The following KCNK13 variants were observed in gnomAD, a reference collection of about 807,000 sequenced individuals.
KCNK13 encodes potassium two pore domain channel subfamily K member 13, also known as potassium channel subfamily K member 13.
Under a neutral mutation model 23.4 loss-of-function variants are expected in KCNK13, and 12 were observed. The observed-to-expected ratio is 0.51, with a 90% CI of 0.33 to 0.83. KCNK13 has a LOEUF of 0.83. Among genes scored for constraint, KCNK13 ranks in the 40% least tolerant of loss-of-function variants. The pLI, the probability that KCNK13 is intolerant of heterozygous loss-of-function variation, is 0.02. For missense variants in KCNK13, 463 were observed against 556.3 expected, an observed-to-expected ratio of 0.83 and a Z score of 1.69; for synonymous variants, 231 against 229.5, an observed-to-expected ratio of 1.01 and a Z score of -0.06.
chr14:90,125,617 ACACACACACG>A lies in KCNK13; in HGVS notation c.335-58492_335-58483del, dbSNP rs1399779984. Among the ~76,000 whole-genome samples, 621 of 68,952 alleles carry A rather than the reference ACACACACACG, an allele frequency of 9.0e-3. 3 individuals carry two copies. Among genetic ancestry groups the A allele is most frequent in the African/African-American group, 0.031 (572 of 18,746 alleles). 45.2% of individuals were successfully genotyped at this position (68,952 alleles called of 152,430 possible). ...CACACACGCACACACACACACACAC[ACACACACACG>A]CGCACACACACACAATGATGGAGTA... On this transcript the variant is annotated intron_variant, in intron 1 of 1. Transcript: ENST00000282146.
At chr14:90,139,452 T>C (rs1034890059) in intron 1 of KCNK13, among the ~76,000 whole-genome samples, 5 of 122,752 alleles carry the variant, frequency 4.1e-5, no homozygotes, top group African/African-American at 1.6e-4. Flanking sequence ...GGGCTGGGGG[T>C]GAGGCAAGAC....
chr14:90,112,003 T>C (rs4125714), intron 1 of KCNK13, among the ~76,000 whole-genome samples: 33,041 of 152,078 alleles, frequency 0.22, 3,662 homozygotes, highest in Middle Eastern at 0.27. Flanking sequence ...ACCTTGGGGC[T>C]GGCCCCACCC....
chr14:90,126,460 GA>G (rs1428625038), intron 1 of KCNK13, among the ~76,000 whole-genome samples: 3 of 152,024 alleles, frequency 2.0e-5, no homozygotes, highest in Non-Finnish European at 2.9e-5. Context: ...GACGTGACGT[GA>G]CGTGACGTGA....
Position 90,117,463 on chromosome 14 carries a change from G to A in KCNK13, c.334+54924G>A, listed in dbSNP as rs954847866. 9.2e-5 allele frequency among the ~76,000 whole-genome samples: 14 copies of A among 152,116 alleles called. 1 individual carries two copies. The highest frequency in any genetic ancestry group is 2.4e-4 in the African/African-American group (10 of 41,500). On this transcript the variant is annotated intron_variant, in intron 1 of 1. Coordinates refer to ENST00000282146, the MANE Select transcript of KCNK13 (RefSeq NM_022054.4). ...AAATTAGCCAGGCGTGGTGGCGCGC[G>A]CCTGTAGTCCCAGCTACTCGGGAGA...
At chr14:90,107,094 C>T (rs1445822380) in intron 1 of KCNK13, among the ~76,000 whole-genome samples, 3 of 152,090 alleles carry the variant, frequency 2.0e-5, no homozygotes, top group East Asian at 1.9e-4. Flanking sequence ...TTTGTACCTG[C>T]GGGTAGGCTG....
chr14:90,160,937 T>C (rs907026590), intron 1 of KCNK13, among the ~76,000 whole-genome samples: 2 of 152,004 alleles, frequency 1.3e-5, no homozygotes, highest in Non-Finnish European at 2.9e-5. Flanking sequence ...ATATTAAATA[T>C]TCTTTTTTAA....
intron 1 of KCNK13, among the ~76,000 whole-genome samples, chr14:90,179,572 G>A (rs1032073134): frequency 6.6e-6 from 1 of 152,140 alleles, no homozygotes; most frequent in Non-Finnish European, 1.5e-5. Flanking sequence ...ATGATTTAAA[G>A]GAACTAGACC....
At chr14:90,127,840 G>GAAA (rs1889821089) in intron 1 of KCNK13, among the ~76,000 whole-genome samples, 1 of 142,226 alleles carries the variant, frequency 7.0e-6, no homozygotes. Flanking sequence ...AAAAAAAAAG[G>GAAA]CTATTTAATG....
intron 1 of KCNK13, among the ~76,000 whole-genome samples, chr14:90,080,273 G>C (rs1354495316): frequency 6.6e-6 from 1 of 152,084 alleles, no homozygotes; most frequent in Non-Finnish European, 1.5e-5. Context: ...GGCCAACATG[G>C]TGAAACTCCA....
intron 1 of KCNK13, among the ~76,000 whole-genome samples, chr14:90,156,643 G>C (rs892746483): frequency 6.6e-6 from 1 of 152,162 alleles, no homozygotes; most frequent in Non-Finnish European, 1.5e-5. Context: ...AGGAGCAGCA[G>C]GCACATTATA....
At chr14:90,079,489 G>A (rs1048711030) in intron 1 of KCNK13, among the ~76,000 whole-genome samples, 1 of 152,120 alleles carries the variant, frequency 6.6e-6, no homozygotes, top group Non-Finnish European at 1.5e-5. Flanking sequence ...GGCTGGTGGG[G>A]TAGAGGGGCC....
At chr14:90,156,670 A>C (rs553561662) in intron 1 of KCNK13, among the ~76,000 whole-genome samples, 1 of 152,250 alleles carries the variant, frequency 6.6e-6, no homozygotes, top group African/African-American at 2.4e-5. Flanking sequence ...ATTTCACTGA[A>C]TCTGACCCCC....
intron 1 of KCNK13, among the ~76,000 whole-genome samples, chr14:90,167,162 A>G (rs1000538091): frequency 2.0e-5 from 3 of 152,180 alleles, no homozygotes; most frequent in African/African-American, 7.2e-5. Flanking sequence ...GGCTCTGAAA[A>G]TCGGGCACAG....
At chr14:90,092,144 C>G (rs1152442) in intron 1 of KCNK13, among the ~76,000 whole-genome samples, 109,847 of 152,012 alleles carry the variant, frequency 0.72, 40,101 homozygotes, top group African/African-American at 0.83. Context: ...GGATGGTCTC[C>G]ATCTCCTGAC....
chr14:90,088,604 C>A (rs981029895), intron 1 of KCNK13, among the ~76,000 whole-genome samples: 1 of 152,176 alleles, frequency 6.6e-6, no homozygotes, highest in African/African-American at 2.4e-5. Context: ...TTTCTGATTT[C>A]TCTTGGGAAA....
chr14:90,122,606 C>CAAA (rs905221879), intron 1 of KCNK13, among the ~76,000 whole-genome samples: 5 of 151,924 alleles, frequency 3.3e-5, no homozygotes, highest in African/African-American at 9.7e-5. Context: ...CATTGCTTTG[C>CAAA]AAAAGGGTTG....
chr14:90,122,320 A>ATTT (rs34511761), intron 1 of KCNK13, among the ~76,000 whole-genome samples: 1 of 144,266 alleles, frequency 6.9e-6, no homozygotes, highest in Non-Finnish European at 1.5e-5. Context: ...TTCACCCATA[A>ATTT]TTTTTTTTTT....
chr14:90,079,610 G>T (rs1344811321), intron 1 of KCNK13, among the ~76,000 whole-genome samples: 1 of 152,162 alleles, frequency 6.6e-6, no homozygotes, highest in Non-Finnish European at 1.5e-5. Flanking sequence ...AGAGGAATCT[G>T]GATGGGGCAC....
chr14:90,185,554 T>G lies in KCNK13; in HGVS notation c.*551T>G, dbSNP rs1890540905. 1 of 152,274 alleles carries G rather than the reference T, an allele frequency of 6.6e-6. No homozygotes were observed. The highest frequency in any genetic ancestry group is 1.5e-5 in the Non-Finnish European group (1 of 68,064). The allele number at this position is 152,274 out of a possible 1,614,324, so 9.4% of individuals were successfully genotyped here. ...CTGTTGTACTCTTTATACCTGTTTCTGTTTTTTGTTGTCCCTTTCTTTTTA... is the reference window on the plus strand; with the variant it reads ...CTGTTGTACTCTTTATACCTGTTTCGGTTTTTTGTTGTCCCTTTCTTTTTA... On this transcript the variant is annotated 3_prime_UTR_variant, in exon 2 of 2. Transcript: ENST00000282146.
Sources: gnomAD v4.1 joint callset for allele counts (sites outside exome capture counted in the v4.1 genomes callset) on GRCh38, gnomAD v4.1.1 for gene constraint, MANE v1.5 for transcripts, NCBI Gene and HGNC (gene_info 2026-07-23, HGNC 2026-07-21) for gene names.